The following PPP2R2A variants were observed in gnomAD, a reference collection of about 807,000 sequenced individuals.
The protein encoded by PPP2R2A is protein phosphatase 2 regulatory subunit Balpha, also known as serine/threonine-protein phosphatase 2A 55 kDa regulatory subunit B alpha isoform.
PPP2R2A carries 9 observed loss-of-function variants against 53.2 expected under a neutral mutation model. The observed-to-expected ratio is 0.17, with a 90% CI of 0.10 to 0.30. PPP2R2A has a LOEUF of 0.30. PPP2R2A is among the 10% of genes least tolerant of loss of function. PPP2R2A has a pLI of 1.00. For missense variants in PPP2R2A, 235 were observed against 534.6 expected, an observed-to-expected ratio of 0.44 and a Z score of 5.53; for synonymous variants, 169 against 174.2, an observed-to-expected ratio of 0.97 and a Z score of 0.23.
At chr8:26,301,806 C>T (rs1801803960) in intron 2 of PPP2R2A, among the ~76,000 whole-genome samples, 1 of 152,180 alleles carries the variant, frequency 6.6e-6, no homozygotes, top group African/African-American at 2.4e-5. Flanking sequence ...TCAGGTGATA[C>T]TTGCCTTTTT....
chr8:26,331,277 G>A (rs1585367028), intron 2 of PPP2R2A, among the ~76,000 whole-genome samples: 1 of 152,072 alleles, frequency 6.6e-6, no homozygotes, highest in Non-Finnish European at 1.5e-5. Flanking sequence ...ATTGTCCGTT[G>A]TCTGAAAAAC....
rs1230070422 is a variant in PPP2R2A, at chr8:26,362,888, C to G, written c.802+40C>G. The G allele has an allele frequency of 6.4e-7, 1 of 1,571,230 alleles. No individual in the cohort carries two copies. The highest frequency in any genetic ancestry group is 8.7e-7 in the Non-Finnish European group (1 of 1,148,650). On this transcript the variant is annotated intron_variant, in intron 7 of 9. Coordinates refer to ENST00000380737, the MANE Select transcript of PPP2R2A (RefSeq NM_002717.4). The surrounding 1 kb of genome is among the most constrained non-coding windows in gnomAD (Gnocchi z 4.4). ...TCTTTCCTTAAAATGATTACATATT[C>G]TGTTTGTCTGAAATAAGCCTCAGAC...
chr8:26,360,590 A>G lies in PPP2R2A; in HGVS notation c.459+309A>G, dbSNP rs2117402848. On this transcript the variant is annotated intron_variant, in intron 5 of 9. Coordinates refer to ENST00000380737, the MANE Select transcript of PPP2R2A (RefSeq NM_002717.4). This position sits in a 1 kb window ranked among gnomAD's most constrained non-coding sequence, Gnocchi z 4.5. ...CAAGATAAATTTTCTTTGGAAATCA[A>G]AAAAGTAGATACAGATCAAATCTTC... 7.1e-6 allele frequency: 2 copies of G among 280,826 alleles called. No homozygotes were observed. Among genetic ancestry groups the G allele is most frequent in the East Asian group, 1.4e-4 (2 of 14,078 alleles). 17.4% of individuals were successfully genotyped at this position (280,826 alleles called of 1,614,324 possible).
chr8:26,341,427 A>G (rs992699382), intron 3 of PPP2R2A, among the ~76,000 whole-genome samples: 2 of 152,050 alleles, frequency 1.3e-5, no homozygotes, highest in African/African-American at 2.4e-5. Context: ...CTTTGTTTCA[A>G]TACCTAATGT....
chr8:26,310,301 A>G (rs1342643399), intron 2 of PPP2R2A, among the ~76,000 whole-genome samples: 1 of 120,002 alleles, frequency 8.3e-6, no homozygotes, highest in Non-Finnish European at 1.7e-5. Context: ...AAAAAAAAAC[A>G]CAGTGTCTAT....
chr8:26,367,779 T>A (rs1805456957), intron 9 of PPP2R2A, among the ~76,000 whole-genome samples: 1 of 152,246 alleles, frequency 6.6e-6, no homozygotes, highest in Non-Finnish European at 1.5e-5. Flanking sequence ...TTCACAGCGA[T>A]GCAGTACTGC....
At chr8:26,341,703 A>G (rs1372020374) in intron 3 of PPP2R2A, among the ~76,000 whole-genome samples, 5 of 152,200 alleles carry the variant, frequency 3.3e-5, no homozygotes. Flanking sequence ...TGCAGAATAC[A>G]CTGGCATTTG....
intron 9 of PPP2R2A, among the ~76,000 whole-genome samples, chr8:26,368,458 G>A (rs1805495418): frequency 6.6e-6 from 1 of 152,198 alleles, no homozygotes; most frequent in Non-Finnish European, 1.5e-5. Context: ...ATGTCGAGCA[G>A]TAATGGGTGG....
chr8:26,360,354 C>T lies in PPP2R2A; in HGVS notation c.459+73C>T, dbSNP rs1805015204. On this transcript the variant is annotated intron_variant, in intron 5 of 9. Coordinates refer to ENST00000380737, the MANE Select transcript of PPP2R2A (RefSeq NM_002717.4). The surrounding 1 kb of genome is among the most constrained non-coding windows in gnomAD (Gnocchi z 4.5). ...TATATAGCCCAAATCCTGAGCAGAG[C>T]TTGAATAGGAATAATTACAGTCTAT... 7.3e-6 allele frequency: 6 copies of T among 817,358 alleles called. No homozygotes were observed. In the South Asian group the frequency reaches 1.1e-4, roughly 15 times the overall value. 50.6% of individuals were successfully genotyped at this position (817,358 alleles called of 1,614,324 possible). A position where few individuals can be genotyped will look rare whatever the true frequency, so the allele number is the denominator to read the frequency against.
intron 2 of PPP2R2A, among the ~76,000 whole-genome samples, chr8:26,298,070 T>G (rs1328417878): frequency 6.6e-6 from 1 of 152,216 alleles, no homozygotes; most frequent in Non-Finnish European, 1.5e-5. Flanking sequence ...GTGGCTACCC[T>G]TAAGCTGTTG....
rs1175290421 is a variant in PPP2R2A, at chr8:26,291,557, CCGCCGCCGCCGTCGCTGTCGTAGT to C, written c.-251_-228del. ...GTGGAGTCGCCTGCCCCTGCCGCTG[CCGCCGCCGCCGTCGCTGTCGTAGT>C]CGCCGCCGCCGCTGCCGGAGAAAGA... On this transcript the variant is annotated 5_prime_UTR_variant, in exon 1 of 10. Transcript: ENST00000380737. 3.1e-5 allele frequency: 16 copies of C among 518,620 alleles called. No homozygotes were observed. Among genetic ancestry groups the C allele is most frequent in the Non-Finnish European group, 5.1e-5 (15 of 292,560 alleles). The allele number at this position is 518,620 out of a possible 1,614,324, so 32.1% of individuals were successfully genotyped here.
At chr8:26,291,908 G>C (rs926523088) in intron 1 of PPP2R2A, 82 bp downstream of exon 1, 1 of 1,475,828 alleles carries the variant, frequency 6.8e-7, no homozygotes, top group South Asian at 1.2e-5. Context: ...GACCGCCCGC[G>C]CCTCGCGCAG....
intron 3 of PPP2R2A, among the ~76,000 whole-genome samples, chr8:26,348,814 CATCCCATAACAGGA>C (rs1303571434): frequency 6.6e-6 from 1 of 152,016 alleles, no homozygotes; most frequent in African/African-American, 2.4e-5. Context: ...AAATCAAAAC[CATCCCATAACAGGA>C]ATGAAAAATG....
In PPP2R2A at chr8:26,342,911, G is replaced by A. The variant is rs1255655989; in HGVS notation, c.180+3924G>A. Among the ~76,000 whole-genome samples, 4 of 152,276 alleles carry A rather than the reference G, an allele frequency of 2.6e-5. No homozygotes were observed. The East Asian group carries it at 7.7e-4, about 29-fold the overall frequency. Reference sequence around the variant, plus strand: ...ATGTATTTAAAATGCAGATTTCTGGGTTGGGGGCCGTGGCTGATGCCTGCA... The same window carrying A: ...ATGTATTTAAAATGCAGATTTCTGGATTGGGGGCCGTGGCTGATGCCTGCA... On this transcript the variant is annotated intron_variant, in intron 3 of 9. Coordinates refer to ENST00000380737, the MANE Select transcript of PPP2R2A (RefSeq NM_002717.4).
At chr8:26,363,013 G>C in intron 7 of PPP2R2A, 165 bp downstream of exon 7, 1 of 603,290 alleles carries the variant, frequency 1.7e-6, no homozygotes, top group East Asian at 2.9e-5. Flanking sequence ...GGCATTCCAG[G>C]TTATTCCTGG....
At chr8:26,366,822 G>T (rs780467852) in intron 9 of PPP2R2A, among the ~76,000 whole-genome samples, 1 of 152,074 alleles carries the variant, frequency 6.6e-6, no homozygotes, top group Non-Finnish European at 1.5e-5. Context: ...TCTTTCATAT[G>T]TATGTTATGT....
In PPP2R2A at chr8:26,292,325, A is replaced by AT. The variant is rs1032309503; in HGVS notation, c.7+505dup. The AT allele has an allele frequency of 1.8e-5, 18 of 987,126 alleles. No individual in the cohort carries two copies. The Middle Eastern group carries it at 2.6e-3, about 143-fold the overall frequency. The allele number at this position is 987,126 out of a possible 1,614,324, so 61.1% of individuals were successfully genotyped here. A position where few individuals can be genotyped will look rare whatever the true frequency, so the allele number is the denominator to read the frequency against. On this transcript the variant is annotated intron_variant, in intron 1 of 9. Coordinates refer to ENST00000380737, the MANE Select transcript of PPP2R2A (RefSeq NM_002717.4). The stretch of plus-strand genomic sequence containing the variant: ...TAAAATACAGTGGGGGCATATGTGT[A>AT]TTTTTTCCCCACTGTAGATGCCAAT...
At chr8:26,306,687 A>G (rs1802039537) in intron 2 of PPP2R2A, among the ~76,000 whole-genome samples, 1 of 152,090 alleles carries the variant, frequency 6.6e-6, no homozygotes, top group Admixed American at 6.6e-5. Context: ...AAAAAATCTA[A>G]TAAAGGTTGG....
intron 1 of PPP2R2A, chr8:26,293,320 G>T (rs1228140859): frequency 2.0e-6 from 3 of 1,478,624 alleles, no homozygotes. Flanking sequence ...CAGGCTTTTT[G>T]TACACTTAAG....
Sources: allele counts gnomAD v4.1 joint callset (sites outside exome capture counted in the v4.1 genomes callset), GRCh38; gene constraint gnomAD v4.1.1; non-coding constraint Gnocchi (gnomAD v3.1); transcripts MANE v1.5; gene names NCBI Gene and HGNC (gene_info 2026-07-23, HGNC 2026-07-21).